Variants in PITRM1 observed in about 807,000 individuals in gnomAD.
PITRM1 encodes the protein pitrilysin metallopeptidase 1, also known as presequence protease, mitochondrial.
In PITRM1, 100 loss-of-function variants were observed where a neutral mutation model predicts 129.9. The ratio of observed to expected loss-of-function variants is 0.77; its 90% CI spans 0.65 to 0.91. The LOEUF (loss-of-function observed/expected upper bound fraction) is 0.91. Ranked by LOEUF, PITRM1 falls within the 40% of genes least tolerant of loss-of-function variation. The pLI, the probability that PITRM1 is intolerant of heterozygous loss-of-function variation, is 0.00. For missense variants in PITRM1, 1,471 were observed against 1,318.3 expected (o/e 1.12, Z -1.79); for synonymous variants, 591 against 508.8 (o/e 1.16, Z -2.17).
intron 1 of PITRM1, 27 bp from the exon 2 acceptor site, chr10:3,170,233 T>A: frequency 6.5e-7 from 1 of 1,549,278 alleles, no homozygotes; most frequent in Non-Finnish European, 8.9e-7. Context: ...CTAAGTTAGA[T>A]GAGTTGCAGG....
intron 2 of PITRM1, among the ~76,000 whole-genome samples, chr10:3,169,183 C>G (rs915093415): frequency 2.6e-5 from 4 of 152,212 alleles, no homozygotes; most frequent in Admixed American, 6.5e-5. Flanking sequence ...TAACAGTAAC[C>G]TGTACCATAA....
At chr10:3,140,152 T>C (rs1840038734) in intron 24 of PITRM1, among the ~76,000 whole-genome samples, 1 of 152,166 alleles carries the variant, frequency 6.6e-6, no homozygotes, top group Non-Finnish European at 1.5e-5. Flanking sequence ...TATACTGTAA[T>C]AAAAGTTACG....
chr10:3,160,668 G>A lies in PITRM1; in HGVS notation c.792-338C>T, dbSNP rs184081338. 4.2e-4 allele frequency among the ~76,000 whole-genome samples: 64 copies of A among 152,138 alleles called. No homozygotes were observed. In the East Asian group the frequency reaches 7.3e-3, roughly 17 times the overall value. The stretch of plus-strand genomic sequence containing the variant: ...GCATCTGCTGGAGTGCAGTGGCACC[G>A]TCACAGCTCACTGCAGCCTCAAGCA... On this transcript the variant is annotated intron_variant, in intron 7 of 26. Coordinates refer to ENST00000224949, the MANE Select transcript of PITRM1 (RefSeq NM_014889.4).
chr10:3,170,330 C>T (rs1360179061), intron 1 of PITRM1, 124 bp from the exon 2 acceptor site: 7 of 665,186 alleles, frequency 1.1e-5, no homozygotes, highest in Non-Finnish European at 1.8e-5. Context: ...AATATTGCAT[C>T]TTCCAAAGTC....
In PITRM1 at chr10:3,138,250, A is replaced by G. The variant is rs1288756888; in HGVS notation, c.3005T>C (p.Leu1002Pro). 5 of 1,612,984 alleles carry G rather than the reference A, an allele frequency of 3.1e-6. No individual in the cohort carries two copies. In the Admixed American group the frequency reaches 8.3e-5, roughly 27 times the overall value. ...QLFAVSHDKL[L>P]AVSDRYLGTG... ...CCCCACTCACCTATCGCTCACGGCC[A>G]GGAGCTTGTCGTGGCTGACAGCAAA... Residue 1002 changes from leucine to proline, a missense_variant, in exon 26 of 27, where the codon CTG becomes CCG. Coordinates refer to ENST00000224949, the MANE Select transcript of PITRM1 (RefSeq NM_014889.4).
intron 2 of PITRM1, among the ~76,000 whole-genome samples, chr10:3,167,413 C>T (rs1158991960): frequency 6.6e-6 from 1 of 152,108 alleles, no homozygotes; most frequent in Non-Finnish European, 1.5e-5. Flanking sequence ...ACATATAATC[C>T]TGTGAGGGAG....
chr10:3,153,561 G>A (rs1274399830), intron 14 of PITRM1, among the ~76,000 whole-genome samples: 1 of 152,068 alleles, frequency 6.6e-6, no homozygotes, highest in Admixed American at 6.5e-5. Context: ...GGAGCTTGCA[G>A]TGAGCCGAGA....
At chr10:3,166,894 A>G in intron 3 of PITRM1, 42 bp downstream of exon 3, 1 of 1,199,484 alleles carries the variant, frequency 8.3e-7, no homozygotes, top group Non-Finnish European at 1.2e-6. Flanking sequence ...CCTGATTTAA[A>G]TAAAAACATT....
intron 7 of PITRM1, among the ~76,000 whole-genome samples, chr10:3,160,712 C>T (rs573863136): frequency 2.6e-5 from 4 of 151,918 alleles, no homozygotes; most frequent in Non-Finnish European, 4.4e-5. Context: ...GCCTCAGCCT[C>T]CTCAGTAGCC....
chr10:3,155,697 C>T lies in PITRM1; in HGVS notation c.1515G>A (p.Arg505=). The T allele has an allele frequency of 6.2e-7, 1 of 1,613,934 alleles. No homozygotes were observed. Among genetic ancestry groups the T allele is most frequent in the Non-Finnish European group, 8.5e-7 (1 of 1,179,898 alleles). Residue 505 remains arginine (R), a synonymous_variant, in exon 14 of 27, where the codon AGG becomes AGA. Transcript: ENST00000224949. Reference sequence around the variant, plus strand: ...GCTTCTCGTGATACTTGTCATCTGGCCTCATCGATAAAGTCAGCTTATGCT... The same window carrying T: ...GCTTCTCGTGATACTTGTCATCTGGTCTCATCGATAAAGTCAGCTTATGCT... ...NNQHKLTLSM[R]PDDKYHEKQA...
chr10:3,138,552 G>T (rs958052882), intron 25 of PITRM1: 1 of 608,798 alleles, frequency 1.6e-6, no homozygotes, highest in East Asian at 2.8e-5. Context: ...CTGCAGCAGG[G>T]ATGCAGTCAG....
intron 1 of PITRM1, among the ~76,000 whole-genome samples, chr10:3,170,911 C>G (rs1050253387): frequency 6.6e-6 from 1 of 151,468 alleles, no homozygotes; most frequent in Non-Finnish European, 1.5e-5. Context: ...TGCAGTGGGC[C>G]GAGATCACGC....
At chr10:3,164,929 C>T (rs577840084) in intron 6 of PITRM1, among the ~76,000 whole-genome samples, 1 of 152,302 alleles carries the variant, frequency 6.6e-6, no homozygotes, top group East Asian at 1.9e-4. Context: ...CTAGAAAGTA[C>T]ACCGTGTACT....
intron 7 of PITRM1, among the ~76,000 whole-genome samples, chr10:3,162,620 G>A (rs1426627309): frequency 2.0e-5 from 3 of 152,214 alleles, no homozygotes; most frequent in East Asian, 1.9e-4. Flanking sequence ...GGATGTGGCC[G>A]TCTATGGAGA....
intron 14 of PITRM1, 99 bp downstream of exon 14, chr10:3,155,492 G>T: frequency 2.7e-6 from 4 of 1,458,548 alleles, no homozygotes; most frequent in Non-Finnish European, 3.8e-6. Context: ...GACACCTGTT[G>T]GTTGAAATAA....
intron 9 of PITRM1, 120 bp downstream of exon 9, chr10:3,159,728 C>A (rs974518395): frequency 1.7e-6 from 1 of 580,474 alleles, no homozygotes; most frequent in East Asian, 2.9e-5. Context: ...ATCCACTTAA[C>A]CCCTGAATCC....
chr10:3,160,309 A>T lies in PITRM1; in HGVS notation c.813T>A (p.Phe271Leu). The change falls in exon 8 of 27, where the codon TTT becomes TTA. Residue 271 changes from phenylalanine (F) to leucine (L), a missense_variant. Coordinates refer to ENST00000224949, the MANE Select transcript of PITRM1 (RefSeq NM_014889.4). ...TTTGTTTCAGATGCTGTTCTAATGG[A>T]AAATTACCGTACGTGAAGAACCTAA... ...SNARFFTYGN[F>L]PLEQHLKQIH... 1 of 1,612,654 alleles carries T rather than the reference A, an allele frequency of 6.2e-7. No individual in the cohort carries two copies. The highest frequency in any genetic ancestry group is 8.5e-7 in the Non-Finnish European group (1 of 1,178,676).
rs375327802 is a variant in PITRM1 at position 3,159,956 on chromosome 10, T to C, written c.919-20A>G. ...TTCCCTCTGTAAAATGACGTGACGT[T>C]GTGAGTAGGCACAGTGTCTGACGGT... On this transcript the variant is annotated intron_variant, in intron 8 of 26. Coordinates refer to ENST00000224949, the MANE Select transcript of PITRM1 (RefSeq NM_014889.4). The C allele has an allele frequency of 3.9e-5, 59 of 1,528,394 alleles. No homozygotes were observed. Among genetic ancestry groups the C allele is most frequent in the Non-Finnish European group, 5.1e-5 (57 of 1,114,612 alleles). 94.7% of individuals were successfully genotyped at this position (1,528,394 alleles called of 1,614,324 possible). A position where few individuals can be genotyped will look rare whatever the true frequency, so the allele number is the denominator to read the frequency against.
intron 2 of PITRM1, chr10:3,167,940 T>C (rs527679640): frequency 6.6e-6 from 1 of 152,212 alleles, no homozygotes; most frequent in South Asian, 2.1e-4. Context: ...TCCCCACTCC[T>C]GGGGCGGCGT....
Sources: allele counts gnomAD v4.1 joint callset (sites outside exome capture counted in the v4.1 genomes callset), GRCh38; gene constraint gnomAD v4.1.1; transcripts MANE v1.5; gene names NCBI Gene and HGNC (gene_info 2026-07-23, HGNC 2026-07-21).